NRXN3: variants seen among roughly 807,000 people sequenced by gnomAD.
The protein encoded by NRXN3 is neurexin III.
In NRXN3, 32 loss-of-function variants were observed where a neutral mutation model predicts 137.6. The ratio of observed to expected loss-of-function variants is 0.23; its 90% CI spans 0.18 to 0.31. NRXN3 has a LOEUF of 0.31. Ranked by LOEUF, NRXN3 falls within the 10% of genes least tolerant of loss-of-function variation. The pLI is 1.00. For synonymous variants in NRXN3, 798 were observed against 784.5 expected (o/e 1.02, Z -0.29); for missense variants, 1,574 against 2,062.5 (o/e 0.76, Z 4.59).
At chr14:78,471,069 G>A (rs1164508903) in intron 4 of NRXN3, among the ~76,000 whole-genome samples, 1 of 152,088 alleles carries the variant, frequency 6.6e-6, no homozygotes, top group Non-Finnish European at 1.5e-5. Context: ...TGAGTGCTCT[G>A]ATGTGATTTG....
At chr14:78,877,077 A>G (rs976191702) in intron 10 of NRXN3, among the ~76,000 whole-genome samples, 2 of 152,202 alleles carry the variant, frequency 1.3e-5, no homozygotes, top group Non-Finnish European at 2.9e-5. Flanking sequence ...TTCAAATTCA[A>G]CATTCACAAG....
chr14:78,812,863 T>C (rs1172345912), intron 10 of NRXN3, among the ~76,000 whole-genome samples: 3 of 152,234 alleles, frequency 2.0e-5, no homozygotes, highest in East Asian at 1.9e-4. Context: ...ATTTATTTTG[T>C]TGGAAATTTA....
chr14:78,730,784 T>G (rs564757474), intron 8 of NRXN3, among the ~76,000 whole-genome samples: 1 of 152,316 alleles, frequency 6.6e-6, no homozygotes, highest in South Asian at 2.1e-4. Flanking sequence ...GGCTGAGGAA[T>G]GCAGAAGAGT....
chr14:78,890,272 A>G (rs31393), intron 10 of NRXN3, among the ~76,000 whole-genome samples: 20,926 of 151,950 alleles, frequency 0.14, 3,000 homozygotes, highest in African/African-American at 0.37. Context: ...GTTTGTGGAA[A>G]TTTAGTATAA....
intron 17 of NRXN3, among the ~76,000 whole-genome samples, chr14:79,676,443 T>A (rs1333273137): frequency 6.6e-6 from 1 of 152,000 alleles, no homozygotes; most frequent in Non-Finnish European, 1.5e-5. Flanking sequence ...AAAGTGAGAT[T>A]GTATAGTATT....
chr14:79,825,206 C>CTTTTTT (rs11449914), intron 20 of NRXN3, among the ~76,000 whole-genome samples: 1 of 117,820 alleles, frequency 8.5e-6, no homozygotes, highest in Non-Finnish European at 1.7e-5. Flanking sequence ...TCTTTGTGTG[C>CTTTTTT]TTTTTTTTTT....
At chr14:78,383,244 G>T (rs2153633000) in intron 4 of NRXN3, among the ~76,000 whole-genome samples, 1 of 152,230 alleles carries the variant, frequency 6.6e-6, no homozygotes, top group Middle Eastern at 3.4e-3. Context: ...GCTTTATCAG[G>T]CTTCCCTGCC....
At chr14:79,150,301 T>C (rs2059682611) in intron 15 of NRXN3, among the ~76,000 whole-genome samples, 1 of 152,062 alleles carries the variant, frequency 6.6e-6, no homozygotes, top group Admixed American at 6.6e-5. Flanking sequence ...GTTAAAATTG[T>C]GCATTTCTCA....
chr14:79,739,751 T>G (rs887707031), intron 19 of NRXN3, among the ~76,000 whole-genome samples: 1 of 147,442 alleles, frequency 6.8e-6, no homozygotes, highest in African/African-American at 2.5e-5. Context: ...GCTGTTGAGG[T>G]CATCACCAGC....
At chr14:79,037,609 C>A (rs1187492186) in intron 15 of NRXN3, among the ~76,000 whole-genome samples, 1 of 152,130 alleles carries the variant, frequency 6.6e-6, no homozygotes, top group Non-Finnish European at 1.5e-5. Flanking sequence ...TGTCCTGACA[C>A]CTTCCCTTCC....
chr14:79,100,265 C>T (rs2051030116), intron 15 of NRXN3, among the ~76,000 whole-genome samples: 1 of 152,204 alleles, frequency 6.6e-6, no homozygotes, highest in Non-Finnish European at 1.5e-5. Context: ...CATAAGACAC[C>T]TACACATGTT....
intron 4 of NRXN3, among the ~76,000 whole-genome samples, chr14:78,369,418 A>G (rs1203090146): frequency 1.3e-5 from 2 of 152,056 alleles, no homozygotes; most frequent in Non-Finnish European, 1.5e-5. Flanking sequence ...CTCGTGTCCA[A>G]TTGCTGTTCC....
chr14:79,806,597 C>T (rs557987707), intron 20 of NRXN3, among the ~76,000 whole-genome samples: 2 of 152,106 alleles, frequency 1.3e-5, no homozygotes, highest in South Asian at 2.1e-4. Context: ...CAGATACATC[C>T]GAACTATACC....
intron 15 of NRXN3, among the ~76,000 whole-genome samples, chr14:79,295,906 T>C (rs1373370924): frequency 2.0e-5 from 3 of 152,302 alleles, no homozygotes; most frequent in Non-Finnish European, 2.9e-5. Flanking sequence ...AGAAGTTTTC[T>C]CATTGAATAA....
intron 19 of NRXN3, among the ~76,000 whole-genome samples, chr14:79,775,615 A>G (rs1411991824): frequency 1.3e-5 from 2 of 151,928 alleles, no homozygotes; most frequent in Non-Finnish European, 2.9e-5. Context: ...CAAGGTTACA[A>G]TCTGCTGGAC....
At chr14:78,450,602 G>A (rs1404468646) in intron 4 of NRXN3, among the ~76,000 whole-genome samples, 1 of 152,196 alleles carries the variant, frequency 6.6e-6, no homozygotes, top group Non-Finnish European at 1.5e-5. Context: ...CTGGTAGGTT[G>A]GGGCAGGTGG....
At chr14:79,504,463 C>T (rs889695971) in intron 16 of NRXN3, among the ~76,000 whole-genome samples, 4 of 151,350 alleles carry the variant, frequency 2.6e-5, no homozygotes, top group African/African-American at 4.9e-5. Flanking sequence ...TATAAACTTA[C>T]GTCTTCCAAA....
Position 79,570,530 on chromosome 14 carries a change from A to G in NRXN3, c.3445-93248A>G, listed in dbSNP as rs2097589366. 4 of 152,196 alleles carry G rather than the reference A, an allele frequency of 2.6e-5. No homozygotes were observed. The South Asian group carries it at 8.3e-4, about 32-fold the overall frequency. The allele number at this position is 152,196 out of a possible 1,614,324, so 9.4% of individuals were successfully genotyped here. On this transcript the variant is annotated intron_variant, in intron 16 of 20. Coordinates refer to ENST00000335750, the MANE Select transcript of NRXN3 (RefSeq NM_001330195.2). Reference sequence around the variant, plus strand: ...GGCCTCGTTTCCCCTCAGGTCAGAAAATATGTGCGGAACAGACCCTGAGAT... The same window carrying G: ...GGCCTCGTTTCCCCTCAGGTCAGAAGATATGTGCGGAACAGACCCTGAGAT...
intron 4 of NRXN3, among the ~76,000 whole-genome samples, chr14:78,635,709 T>C (rs940380787): frequency 6.6e-6 from 1 of 152,174 alleles, no homozygotes; most frequent in African/African-American, 2.4e-5. Context: ...CTTTTGATGA[T>C]TCTTTTTGGT....
Sources: allele counts gnomAD v4.1 joint callset (sites outside exome capture counted in the v4.1 genomes callset), GRCh38; gene constraint gnomAD v4.1.1; transcripts MANE v1.5; gene names NCBI Gene and HGNC (gene_info 2026-07-23, HGNC 2026-07-21).